The following CNTN6 variants were observed in gnomAD, a reference collection of about 807,000 sequenced individuals.
CNTN6 encodes the protein contactin 6.
Under a neutral mutation model 122.8 loss-of-function variants are expected in CNTN6, and 137 were observed. That is an observed-to-expected ratio of 1.12 (90% CI 0.97 to 1.29). The LOEUF (loss-of-function observed/expected upper bound fraction) is 1.29. Among genes scored for constraint, CNTN6 ranks in the 50% most tolerant of loss-of-function variants. The pLI is 0.00. For missense variants in CNTN6, 1,634 were observed against 1,223.4 expected, an observed-to-expected ratio of 1.34 and a Z score of -5.01; for synonymous variants, 570 against 426.0, an observed-to-expected ratio of 1.34 and a Z score of -4.16.
chr3:1,156,693 C>G (rs865980361), intron 2 of CNTN6, among the ~76,000 whole-genome samples: 94 of 133,700 alleles, frequency 7.0e-4, no homozygotes, highest in Middle Eastern at 3.9e-3. Context: ...CCCTCCCTCC[C>G]TTCCTTCCTT....
chr3:1,328,476 G>T (rs1041082619), intron 10 of CNTN6, among the ~76,000 whole-genome samples: 1 of 151,672 alleles, frequency 6.6e-6, no homozygotes, highest in African/African-American at 2.4e-5. Flanking sequence ...TCTTTCTATC[G>T]CTACTGTTTG....
chr3:1,193,590 T>C lies in CNTN6; in HGVS notation c.56-27097T>C, dbSNP rs376129772. 5.3e-5 allele frequency among the ~76,000 whole-genome samples: 8 copies of C among 152,158 alleles called. 1 individual carries two copies. In the East Asian group the frequency reaches 5.8e-4, roughly 11 times the overall value. On this transcript the variant is annotated intron_variant, in intron 2 of 22. Coordinates refer to ENST00000446702, the MANE Select transcript of CNTN6 (RefSeq NM_001289080.2). The stretch of plus-strand genomic sequence containing the variant: ...TTCTCTAGCGTTATTACACCTTTCT[T>C]CTGATTGCCAAATATGTAAATTCAA...
At chr3:1,356,229 T>C (rs1310870614) in intron 12 of CNTN6, among the ~76,000 whole-genome samples, 9 of 151,850 alleles carry the variant, frequency 5.9e-5, no homozygotes, top group Non-Finnish European at 1.2e-4. Context: ...ATAAAAATGA[T>C]CTTGTTTGCA....
intron 1 of CNTN6, among the ~76,000 whole-genome samples, chr3:1,100,550 A>C (rs1403934853): frequency 6.6e-6 from 1 of 152,102 alleles, no homozygotes; most frequent in African/African-American, 2.4e-5. Context: ...TTCCATTCTG[A>C]AAAATTCTCA....
At chr3:1,118,219 G>A (rs1186512248) in intron 1 of CNTN6, among the ~76,000 whole-genome samples, 2 of 152,154 alleles carry the variant, frequency 1.3e-5, no homozygotes, top group African/African-American at 4.8e-5. Flanking sequence ...GTGAAGAGAA[G>A]CCTTTCACAA....
chr3:1,305,534 T>C (rs1698214315), intron 7 of CNTN6, among the ~76,000 whole-genome samples: 1 of 152,172 alleles, frequency 6.6e-6, no homozygotes, highest in Non-Finnish European at 1.5e-5. Context: ...GCTATGCAAA[T>C]GTAGTATGAT....
Position 1,255,839 on chromosome 3 carries a change from C to G in CNTN6, c.359-22574C>G, listed in dbSNP as rs555658600. 8.4e-4 allele frequency among the ~76,000 whole-genome samples: 127 copies of G among 151,958 alleles called. 1 individual carries two copies. The highest frequency in any genetic ancestry group is 2.9e-3 in the African/African-American group (122 of 41,454). On this transcript the variant is annotated intron_variant, in intron 4 of 22. Transcript: ENST00000446702. ...CACAAGCTTGCACCACCATGACTGG[C>G]TAATTTTTTATTTTATTTTATTTTA...
chr3:1,253,190 G>C (rs917577837), intron 4 of CNTN6, among the ~76,000 whole-genome samples: 1 of 152,140 alleles, frequency 6.6e-6, no homozygotes, highest in Admixed American at 6.5e-5. Context: ...ATTAGCTTCA[G>C]TCCTTGTACC....
chr3:1,384,736 TATAC>T (rs1220155944), intron 19 of CNTN6, among the ~76,000 whole-genome samples: 2 of 118,392 alleles, frequency 1.7e-5, no homozygotes, highest in Admixed American at 8.4e-5. Flanking sequence ...CACACATATA[TATAC>T]ATATATACAC....
intron 7 of CNTN6, among the ~76,000 whole-genome samples, chr3:1,310,916 G>A (rs781147473): frequency 3.8e-4 from 57 of 151,912 alleles, no homozygotes; most frequent in Non-Finnish European, 5.7e-4. Flanking sequence ...CAGGAGAATC[G>A]CTTGAACCCG....
At chr3:1,277,602 T>C (rs4086415) in intron 4 of CNTN6, among the ~76,000 whole-genome samples, 119,391 of 151,502 alleles carry the variant, frequency 0.79, 47,611 homozygotes, top group African/African-American at 0.88. Context: ...CACAAGCAAC[T>C]TGCCTGACTC....
chr3:1,211,882 C>G (rs1049403142), intron 2 of CNTN6, among the ~76,000 whole-genome samples: 1 of 152,130 alleles, frequency 6.6e-6, no homozygotes, highest in Non-Finnish European at 1.5e-5. Context: ...TCAGCCATGG[C>G]CCAAGGAATG....
chr3:1,276,565 A>C (rs1692402243), intron 4 of CNTN6, among the ~76,000 whole-genome samples: 1 of 152,182 alleles, frequency 6.6e-6, no homozygotes, highest in African/African-American at 2.4e-5. Flanking sequence ...CACTAACAAC[A>C]CTGGCTTCTA....
chr3:1,191,936 GA>G (rs2093708098), intron 2 of CNTN6, among the ~76,000 whole-genome samples: 2 of 152,162 alleles, frequency 1.3e-5, no homozygotes, highest in Middle Eastern at 3.4e-3. Flanking sequence ...ATAATTTTTT[GA>G]AAAATCACTG....
At chr3:1,170,424 T>C (rs116346636) in intron 2 of CNTN6, among the ~76,000 whole-genome samples, 3,713 of 152,142 alleles carry the variant, frequency 0.024, 128 homozygotes, top group African/African-American at 0.082. Context: ...GCAGAACCCG[T>C]TGAAAATCGA....
At chr3:1,289,114 C>T (rs997684017) in intron 5 of CNTN6, among the ~76,000 whole-genome samples, 2 of 151,798 alleles carry the variant, frequency 1.3e-5, no homozygotes, top group African/African-American at 4.8e-5. Context: ...CTAAATGGCT[C>T]ATGAATTATA....
At chr3:1,331,239 C>T (rs144846167) in intron 11 of CNTN6, among the ~76,000 whole-genome samples, 28 of 152,046 alleles carry the variant, frequency 1.8e-4, no homozygotes, top group African/African-American at 6.3e-4. Flanking sequence ...TCTTTACATC[C>T]CTGGACTAAA....
chr3:1,224,890 C>T lies in CNTN6; in HGVS notation c.183-2928C>T, dbSNP rs1457372928. Among the ~76,000 whole-genome samples the T allele has an allele frequency of 3.9e-5, 6 of 152,232 alleles. No homozygotes were observed. In the South Asian group the frequency reaches 6.2e-4, roughly 16 times the overall value. ...CCTCCCGAGTAGCTGGGATTACAGG[C>T]GTGTGCCACTATGCCCGGCTAATTT... On this transcript the variant is annotated intron_variant, in intron 3 of 22. Coordinates refer to ENST00000446702, the MANE Select transcript of CNTN6 (RefSeq NM_001289080.2).
intron 20 of CNTN6, among the ~76,000 whole-genome samples, chr3:1,399,694 C>G (rs1266896972): frequency 1.3e-5 from 2 of 151,996 alleles, no homozygotes; most frequent in African/African-American, 4.8e-5. Context: ...ACCACAGGGC[C>G]CTGAACAGTT....
Sources: gnomAD v4.1 joint callset for allele counts (sites outside exome capture counted in the v4.1 genomes callset) on GRCh38, gnomAD v4.1.1 for gene constraint, MANE v1.5 for transcripts, NCBI Gene and HGNC (gene_info 2026-07-23, HGNC 2026-07-21) for gene names.